The following PCDHGA2 variants were observed in gnomAD, a reference collection of about 807,000 sequenced individuals.
PCDHGA2 encodes protocadherin gamma-A2.
PCDHGA2 carries 40 observed loss-of-function variants against 59.2 expected under a neutral mutation model. The ratio of observed to expected loss-of-function variants is 0.68; its 90% CI spans 0.52 to 0.88. PCDHGA2 has a LOEUF of 0.88. Among genes scored for constraint, PCDHGA2 ranks in the 40% least tolerant of loss-of-function variants. PCDHGA2 has a pLI of 0.00. For synonymous variants in PCDHGA2, 560 were observed against 526.0 expected, an observed-to-expected ratio of 1.06 and a Z score of -0.89; for missense variants, 1,226 against 1,204.0, an observed-to-expected ratio of 1.02 and a Z score of -0.27.
Position 141,484,782 on chromosome 5 carries a change from C to A in PCDHGA2, c.2425-10025C>A, listed in dbSNP as rs572593816. 2.0e-5 allele frequency among the ~76,000 whole-genome samples: 3 copies of A among 152,066 alleles called. No homozygotes were observed. In the South Asian group the frequency reaches 6.3e-4, roughly 32 times the overall value. On this transcript the variant is annotated intron_variant, in intron 1 of 3. Transcript: ENST00000394576. Reference sequence around the variant, plus strand: ...TATATATATGTTGTCTGCCTCCCCACAGAGATAACAACCCGTGGAAAAACA... The same window carrying A: ...TATATATATGTTGTCTGCCTCCCCAAAGAGATAACAACCCGTGGAAAAACA...
intron 1 of PCDHGA2, chr5:141,370,596 G>T: frequency 6.2e-7 from 1 of 1,613,936 alleles, no homozygotes. Context: ...GAACCTGCGG[G>T]TTATTGCAGA....
At position 141,403,695 on chromosome 5, in the gene PCDHGA2, G is replaced by T. The variant is rs376074779; in HGVS notation, c.2424+62300G>T. On this transcript the variant is annotated intron_variant, in intron 1 of 3. Transcript: ENST00000394576. ...CCGGTTTTTGCTCAACGGATTTACC[G>T]AGTTAAAGTCCTTGAGAACGTGCCC... The T allele has an allele frequency of 2.9e-5, 46 of 1,613,780 alleles. No individual in the cohort carries two copies. The highest frequency in any genetic ancestry group is 3.7e-5 in the Non-Finnish European group (44 of 1,179,906).
intron 1 of PCDHGA2, chr5:141,360,972 CTCCTT>C: frequency 6.2e-7 from 1 of 1,613,868 alleles, no homozygotes; most frequent in Non-Finnish European, 8.5e-7. Flanking sequence ...AGATCACCTA[CTCCTT>C]TCATAATGTG....
chr5:141,465,454 T>A (rs1031876441), intron 1 of PCDHGA2, among the ~76,000 whole-genome samples: 1 of 152,184 alleles, frequency 6.6e-6, no homozygotes, highest in Non-Finnish European at 1.5e-5. Flanking sequence ...AAGAAAACTC[T>A]CACCAAATTG....
Position 141,421,259 on chromosome 5 carries a change from G to C in PCDHGA2, c.2425-73548G>C. The C allele has an allele frequency of 6.2e-7, 1 of 1,609,254 alleles. No individual in the cohort carries two copies. The highest frequency in any genetic ancestry group is 8.5e-7 in the Non-Finnish European group (1 of 1,178,538). The stretch of plus-strand genomic sequence containing the variant: ...AATCGGCTACAGCGCGGGGACCGCA[G>C]TCGGCTGCTGCTGCTGCTGTGCATT... On this transcript the variant is annotated intron_variant, in intron 1 of 3. Transcript: ENST00000394576.
At position 141,362,557 on chromosome 5, in the gene PCDHGA2, G is replaced by T. The variant is rs760760208; in HGVS notation, c.2424+21162G>T. 7 of 1,611,836 alleles carry T rather than the reference G, an allele frequency of 4.3e-6. No individual in the cohort carries two copies. The Middle Eastern group carries it at 5.0e-4, about 114-fold the overall frequency. ...TTTTGCCTCAGATACTATTTTGAAG[G>T]TGAGCTTTAATTAATTTATTTTCAC... On this transcript the variant is annotated intron_variant, in intron 1 of 3. Transcript: ENST00000394576.
At chr5:141,422,709 T>A in intron 1 of PCDHGA2, 1 of 1,603,558 alleles carries the variant, frequency 6.2e-7, no homozygotes, top group Admixed American at 1.7e-5. Flanking sequence ...CTCTGACGGA[T>A]GACACTGTCC....
intron 1 of PCDHGA2, chr5:141,372,185 C>T: frequency 6.2e-7 from 1 of 1,613,630 alleles, no homozygotes; most frequent in Non-Finnish European, 8.5e-7. Context: ...TGGACGCAGA[C>T]TCGGGATACA....
At chr5:141,355,920 C>T (rs1760043730) in intron 1 of PCDHGA2, 1 of 1,613,790 alleles carries the variant, frequency 6.2e-7, no homozygotes, top group Non-Finnish European at 8.5e-7. Context: ...ATAATGCTCC[C>T]GTGTTCACTC....
chr5:141,386,534 T>A (rs1561611722), intron 1 of PCDHGA2, among the ~76,000 whole-genome samples: 1 of 151,950 alleles, frequency 6.6e-6, no homozygotes, highest in African/African-American at 2.4e-5. Context: ...CTTTTTAGAC[T>A]AGTGTTGTAT....
chr5:141,445,252 A>G (rs2098461096), intron 1 of PCDHGA2, among the ~76,000 whole-genome samples: 1 of 152,224 alleles, frequency 6.6e-6, no homozygotes, highest in Non-Finnish European at 1.5e-5. Context: ...ATATTGTGTG[A>G]GAATATAAGT....
At chr5:141,433,212 T>C (rs747556366) in intron 1 of PCDHGA2, 75 of 1,570,956 alleles carry the variant, frequency 4.8e-5, no homozygotes, top group Non-Finnish European at 6.2e-5. Flanking sequence ...TTCTTTCTTT[T>C]TTTTTTTTAA....
At chr5:141,430,985 G>T (rs773308629) in intron 1 of PCDHGA2, 4 of 1,613,780 alleles carry the variant, frequency 2.5e-6, no homozygotes, top group Non-Finnish European at 3.4e-6. Flanking sequence ...GCAGCTTTTC[G>T]CCCTGAATCC....
chr5:141,366,362 A>G (rs768343198), intron 1 of PCDHGA2: 1 of 1,613,968 alleles, frequency 6.2e-7, no homozygotes, highest in Non-Finnish European at 8.5e-7. Context: ...CCTAGGCAGT[A>G]TCAAGACCCC....
chr5:141,439,756 G>A (rs74623862), intron 1 of PCDHGA2: 30 of 152,422 alleles, frequency 2.0e-4, no homozygotes, highest in African/African-American at 7.0e-4. Context: ...CAGGCAATGA[G>A]TTCAGCTCCT....
chr5:141,383,112 G>A (rs1167934535), intron 1 of PCDHGA2: 7 of 1,614,042 alleles, frequency 4.3e-6, no homozygotes, highest in East Asian at 2.2e-5. Context: ...CCAGAGGTAG[G>A]ACGCAGCTTT....
intron 1 of PCDHGA2, chr5:141,478,131 A>G (rs747801474): frequency 6.2e-7 from 1 of 1,614,064 alleles, no homozygotes; most frequent in Non-Finnish European, 8.5e-7. Flanking sequence ...GACTCTCCTG[A>G]AGCCCGAGCC....
chr5:141,486,659 G>A lies in PCDHGA2; in HGVS notation c.2425-8148G>A, dbSNP rs758578821. The stretch of plus-strand genomic sequence containing the variant: ...TGCGCTTATCTCCTACTCACTCCTG[G>A]AGCCCAGGAATCGAGATGTATCAGC... On this transcript the variant is annotated intron_variant, in intron 1 of 3. Transcript: ENST00000394576. This position sits in a 1 kb window ranked among gnomAD's most constrained non-coding sequence, Gnocchi z 5.0. 5.0e-6 allele frequency: 8 copies of A among 1,613,944 alleles called. No homozygotes were observed. Among genetic ancestry groups the A allele is most frequent in the Middle Eastern group, 1.6e-4 (1 of 6,062 alleles).
At chr5:141,478,239 C>G in intron 1 of PCDHGA2, 1 of 1,614,132 alleles carries the variant, frequency 6.2e-7, no homozygotes. Flanking sequence ...TTTGTGGTCA[C>G]AGTGTTCGGA....
Sources: allele counts gnomAD v4.1 joint callset (sites outside exome capture counted in the v4.1 genomes callset), GRCh38; gene constraint gnomAD v4.1.1; non-coding constraint Gnocchi (gnomAD v3.1); transcripts MANE v1.5; gene names NCBI Gene and HGNC (gene_info 2026-07-23, HGNC 2026-07-21).